SAMD3: variants seen among roughly 807,000 people sequenced by gnomAD.
SAMD3 encodes sterile alpha motif domain containing 3, also known as sterile alpha motif domain-containing protein 3.
A neutral mutation model predicts 58.5 loss-of-function variants in SAMD3; 63 were observed. That is an observed-to-expected ratio of 1.08 (90% CI 0.88 to 1.33). The LOEUF (loss-of-function observed/expected upper bound fraction) is 1.33. Among genes scored for constraint, SAMD3 ranks in the 40% most tolerant of loss-of-function variants. SAMD3 has a pLI of 0.00. For missense variants in SAMD3, 604 were observed against 608.4 expected (o/e 0.99, Z 0.08); for synonymous variants, 220 against 210.3 (o/e 1.05, Z -0.40).
At chr6:130,364,635 A>G (rs892281504) in intron 1 of SAMD3, among the ~76,000 whole-genome samples, 11 of 151,972 alleles carry the variant, frequency 7.2e-5, no homozygotes, top group Non-Finnish European at 1.5e-4. Flanking sequence ...GGGTAAAAAT[A>G]AAACCACAGA....
At chr6:130,244,273 T>C (rs1773459043) in intron 2 of SAMD3, among the ~76,000 whole-genome samples, 10 of 152,192 alleles carry the variant, frequency 6.6e-5, no homozygotes, top group Admixed American at 6.5e-4. Flanking sequence ...AGCCTGTAAA[T>C]GATTGAGAAA....
At chr6:130,358,199 C>T (rs574665279) in intron 1 of SAMD3, among the ~76,000 whole-genome samples, 54 of 152,248 alleles carry the variant, frequency 3.5e-4, no homozygotes, top group Middle Eastern at 6.8e-3. Context: ...CATTACCTTG[C>T]CTTTTTCTGT....
At chr6:130,154,713 AAAAAAATATATAT>A (rs1185272799) in intron 9 of SAMD3, 99 bp downstream of exon 9, 37 of 115,570 alleles carry the variant, frequency 3.2e-4, no homozygotes, top group African/African-American at 1.1e-3. Context: ...AAAAAAAAAA[AAAAAAATATATAT>A]ATATATATAT....
chr6:130,219,305 AT>A (rs368148617), intron 1 of SAMD3, among the ~76,000 whole-genome samples: 1 of 151,142 alleles, frequency 6.6e-6, no homozygotes, highest in South Asian at 2.1e-4. Flanking sequence ...TGAAACAGCC[AT>A]TTTTTTTAAA....
At chr6:130,353,907 T>C (rs576367380) in intron 1 of SAMD3, among the ~76,000 whole-genome samples, 1 of 152,184 alleles carries the variant, frequency 6.6e-6, no homozygotes, top group South Asian at 2.1e-4. Context: ...GTAGAAAATA[T>C]TTGCAAACTA....
chr6:130,153,490 A>G (rs775795601), intron 9 of SAMD3, among the ~76,000 whole-genome samples: 10 of 151,956 alleles, frequency 6.6e-5, no homozygotes, highest in Non-Finnish European at 8.8e-5. Context: ...TTGAATACAT[A>G]GAATTTCTCC....
intron 1 of SAMD3, among the ~76,000 whole-genome samples, chr6:130,353,492 A>G (rs953163490): frequency 8.5e-5 from 13 of 152,234 alleles, no homozygotes; most frequent in Non-Finnish European, 1.3e-4. Context: ...CACTTAATAT[A>G]GGAAATAAAG....
intron 8 of SAMD3, among the ~76,000 whole-genome samples, chr6:130,164,575 G>A (rs1409141893): frequency 6.6e-6 from 1 of 152,026 alleles, no homozygotes; most frequent in Admixed American, 6.6e-5. Flanking sequence ...GGAGTCCCTG[G>A]TATTACCTGC....
intron 2 of SAMD3, among the ~76,000 whole-genome samples, chr6:130,237,678 A>G (rs1373584366): frequency 6.6e-6 from 1 of 152,168 alleles, no homozygotes; most frequent in African/African-American, 2.4e-5. Context: ...TGTATACACA[A>G]GGAGAGTGAG....
chr6:130,351,291 C>G (rs1339117790), intron 1 of SAMD3, among the ~76,000 whole-genome samples: 1 of 152,108 alleles, frequency 6.6e-6, no homozygotes, highest in East Asian at 1.9e-4. Flanking sequence ...GAACAGGCAA[C>G]CTACAGAATG....
At chr6:130,364,897 C>G (rs1778090519) in intron 1 of SAMD3, among the ~76,000 whole-genome samples, 1 of 111,252 alleles carries the variant, frequency 9.0e-6, no homozygotes, top group South Asian at 3.6e-4. Context: ...CCCCCAAACA[C>G]GGATTTTATA....
chr6:130,302,725 C>T (rs571115101), intron 2 of SAMD3, among the ~76,000 whole-genome samples: 1 of 152,252 alleles, frequency 6.6e-6, no homozygotes, highest in African/African-American at 2.4e-5. Flanking sequence ...GGTACATATG[C>T]ACCATGGAAT....
intron 1 of SAMD3, among the ~76,000 whole-genome samples, chr6:130,354,294 T>A (rs973450342): frequency 2.0e-5 from 3 of 152,206 alleles, no homozygotes; most frequent in African/African-American, 7.2e-5. Context: ...AAAACAGACC[T>A]ACCATTTGAC....
chr6:130,219,701 A>G (rs1796139644), intron 1 of SAMD3, among the ~76,000 whole-genome samples: 1 of 152,220 alleles, frequency 6.6e-6, no homozygotes, highest in South Asian at 2.1e-4. Context: ...TCTATCGTAT[A>G]TATACCACAG....
chr6:130,176,410 G>A (rs1187331612), intron 7 of SAMD3, among the ~76,000 whole-genome samples: 1 of 152,122 alleles, frequency 6.6e-6, no homozygotes, highest in Non-Finnish European at 1.5e-5. Context: ...ATGGATTGAT[G>A]CATTTTCTTT....
chr6:130,236,384 C>CTT (rs777968481), intron 2 of SAMD3, among the ~76,000 whole-genome samples: 43,233 of 139,552 alleles, frequency 0.31, 10,138 homozygotes, highest in African/African-American at 0.66. Context: ...AAATGATTGA[C>CTT]TTTTTTTTTT....
rs74769251 is a variant in SAMD3 at position 130,182,500 on chromosome 6, C to T, written c.654+1603G>A. Among the ~76,000 whole-genome samples the T allele has an allele frequency of 3.5e-3, 528 of 149,542 alleles. 5 individuals carry two copies. Among genetic ancestry groups the T allele is most frequent in the African/African-American group, 0.013 (509 of 40,624 alleles). On this transcript the variant is annotated intron_variant, in intron 7 of 11. Coordinates refer to ENST00000439090, the MANE Select transcript of SAMD3 (RefSeq NM_001017373.4). ...GTGATTCTCTCCATATATAATGAAC[C>T]TTTTCTTGAAAATACAAAAAAAGAA...
chr6:130,282,858 C>T (rs560353176), intron 2 of SAMD3, among the ~76,000 whole-genome samples: 1 of 152,188 alleles, frequency 6.6e-6, no homozygotes, highest in East Asian at 1.9e-4. Flanking sequence ...TCTCTTGGGG[C>T]ATGTAAAAGA....
intron 2 of SAMD3, among the ~76,000 whole-genome samples, chr6:130,230,902 C>T (rs1382092999): frequency 6.6e-6 from 1 of 152,158 alleles, no homozygotes; most frequent in Admixed American, 6.5e-5. Context: ...ATACTTACAC[C>T]TGAAAACTTC....
Sources: gnomAD v4.1 joint callset for allele counts (sites outside exome capture counted in the v4.1 genomes callset) on GRCh38, gnomAD v4.1.1 for gene constraint, MANE v1.5 for transcripts, NCBI Gene and HGNC (gene_info 2026-07-23, HGNC 2026-07-21) for gene names.